Variants in MXI1 observed in about 807,000 individuals in gnomAD.
The protein encoded by MXI1 is MAX interactor 1, dimerization protein.
Under a neutral mutation model 36.9 loss-of-function variants are expected in MXI1, and 18 were observed. The ratio of observed to expected loss-of-function variants is 0.49; its 90% confidence interval spans 0.34 to 0.72. The LOEUF (loss-of-function observed/expected upper bound fraction) is 0.72. MXI1 is among the 30% of genes least tolerant of loss of function. The pLI is 0.01. For missense variants in MXI1, 304 were observed against 379.1 expected, an observed-to-expected ratio of 0.80 and a Z score of 1.64; for synonymous variants, 160 against 146.7, an observed-to-expected ratio of 1.09 and a Z score of -0.65.
intron 1 of MXI1, among the ~76,000 whole-genome samples, chr10:110,211,073 CTTTT>C (rs33972208): frequency 3.0e-5 from 4 of 131,312 alleles, no homozygotes; most frequent in Admixed American, 7.6e-5. Flanking sequence ...TTGTGTACGT[CTTTT>C]TTTTTTTTTT....
chr10:110,284,533 A>G (rs1857374878), intron 5 of MXI1, among the ~76,000 whole-genome samples: 2 of 152,248 alleles, frequency 1.3e-5, no homozygotes, highest in Admixed American at 6.5e-5. Flanking sequence ...ACCTTTTAAT[A>G]TTAAGCACTA....
chr10:110,256,232 A>G (rs576408986), intron 3 of MXI1, among the ~76,000 whole-genome samples: 69 of 152,284 alleles, frequency 4.5e-4, no homozygotes, highest in African/African-American at 1.6e-3. Context: ...AATCTTTATG[A>G]TGTTGCATTA....
Position 110,285,997 on chromosome 10 carries a change from C to A in MXI1, c.*1010C>A, listed in dbSNP as rs1857419305. 1 of 152,428 alleles carries A rather than the reference C, an allele frequency of 6.6e-6. No individual in the cohort carries two copies. The allele number at this position is 152,428 out of a possible 1,614,324, so 9.4% of individuals were successfully genotyped here. Reference sequence around the variant, plus strand: ...TGGAAAAACACATGGGGAAAAAAATCATCTATTTTGATGCAGCATTTGATA... The same window carrying A: ...TGGAAAAACACATGGGGAAAAAAATAATCTATTTTGATGCAGCATTTGATA... On this transcript the variant is annotated 3_prime_UTR_variant, in exon 6 of 6. Transcript: ENST00000332674.
At chr10:110,278,459 A>G (rs1290639670) in intron 3 of MXI1, among the ~76,000 whole-genome samples, 1 of 152,170 alleles carries the variant, frequency 6.6e-6, no homozygotes, top group Non-Finnish European at 1.5e-5. Context: ...GCACACTTAG[A>G]TAGGAAGCAG....
At chr10:110,212,023 A>G (rs1270507399) in intron 1 of MXI1, among the ~76,000 whole-genome samples, 3 of 152,258 alleles carry the variant, frequency 2.0e-5, no homozygotes, top group African/African-American at 7.2e-5. Flanking sequence ...GAACAGATCC[A>G]TAAAGGGATG....
intron 3 of MXI1, among the ~76,000 whole-genome samples, chr10:110,265,779 G>A (rs931212528): frequency 1.3e-5 from 2 of 152,144 alleles, no homozygotes; most frequent in Non-Finnish European, 2.9e-5. Flanking sequence ...GTTATCACGG[G>A]CTGAGGCTAA....
chr10:110,267,241 C>T (rs993686042), intron 3 of MXI1, among the ~76,000 whole-genome samples: 1 of 152,100 alleles, frequency 6.6e-6, no homozygotes, highest in South Asian at 2.1e-4. Flanking sequence ...ACTTACTACC[C>T]CAATAAAAAA....
intron 1 of MXI1, chr10:110,208,369 G>T (rs1854415204): frequency 7.7e-6 from 2 of 258,120 alleles, no homozygotes; most frequent in South Asian, 4.9e-5. Flanking sequence ...GAGTGTTGTT[G>T]TTTGCTGACA....
chr10:110,253,734 T>G (rs887580759), intron 3 of MXI1, among the ~76,000 whole-genome samples: 8 of 152,124 alleles, frequency 5.3e-5, no homozygotes, highest in African/African-American at 1.9e-4. Context: ...AGTTTTAGAT[T>G]GGGTCCTGTA....
At chr10:110,224,169 G>A (rs1046414512) in intron 1 of MXI1, among the ~76,000 whole-genome samples, 2 of 152,096 alleles carry the variant, frequency 1.3e-5, no homozygotes, top group Admixed American at 1.3e-4. Flanking sequence ...CACGGGAGGG[G>A]GAAACTCCCC....
chr10:110,257,883 A>G (rs1158300351), intron 3 of MXI1: 1 of 280,642 alleles, frequency 3.6e-6, no homozygotes, highest in East Asian at 9.3e-5. Flanking sequence ...ACAAAAAACA[A>G]AAACCCTCTG....
At chr10:110,216,914 C>T (rs1384646851) in intron 1 of MXI1, among the ~76,000 whole-genome samples, 1 of 151,934 alleles carries the variant, frequency 6.6e-6, no homozygotes, top group Non-Finnish European at 1.5e-5. Flanking sequence ...GCCATCGACC[C>T]ACCTCGGCCT....
At chr10:110,268,953 A>C (rs182956859) in intron 3 of MXI1, among the ~76,000 whole-genome samples, 37 of 152,354 alleles carry the variant, frequency 2.4e-4, no homozygotes, top group African/African-American at 7.9e-4. Flanking sequence ...AACAACAACA[A>C]CACATACACA....
intron 3 of MXI1, among the ~76,000 whole-genome samples, chr10:110,267,599 GTTCT>G (rs1434265027): frequency 6.6e-6 from 1 of 152,048 alleles, no homozygotes; most frequent in Non-Finnish European, 1.5e-5. Context: ...TCTAAATAAG[GTTCT>G]TTTTTTGATT....
At position 110,207,740 on chromosome 10, in the gene MXI1, G is replaced by C. The variant is rs1854398280; in HGVS notation, c.-69G>C. 9.5e-7 allele frequency: 1 copy of C among 1,055,410 alleles called. No homozygotes were observed. Among genetic ancestry groups the C allele is most frequent in the East Asian group, 5.9e-5 (1 of 16,906 alleles). The allele number at this position is 1,055,410 out of a possible 1,614,324, so 65.4% of individuals were successfully genotyped here. On this transcript the variant is annotated 5_prime_UTR_variant, in exon 1 of 6. Transcript: ENST00000332674. ...CTGCTCCAGCCGGCCGGGTCTCCCT[G>C]GGGGCCCGGAGCTCGGCCGGGCCGC... is the stretch of plus-strand genomic sequence containing the variant.
intron 2 of MXI1, 79 bp from the exon 3 acceptor site, chr10:110,244,749 C>G (rs562603945): frequency 8.4e-7 from 1 of 1,184,876 alleles, no homozygotes; most frequent in East Asian, 2.5e-5. Flanking sequence ...CTAGGTGTAG[C>G]ATAGCAGTAA....
In MXI1 at chr10:110,228,196, A is replaced by G. The variant is rs375464782; in HGVS notation, c.282A>G (p.Glu94=). 1.2e-6 allele frequency: 2 copies of G among 1,613,890 alleles called. No homozygotes were observed. Among genetic ancestry groups the G allele is most frequent in the Non-Finnish European group, 1.7e-6 (2 of 1,180,000 alleles). The change falls in exon 2 of 6, where the codon GAA becomes GAG. Residue 94 remains glutamate, a synonymous_variant. Coordinates refer to ENST00000332674, the MANE Select transcript of MXI1 (RefSeq NM_130439.3). ...EQIEKENKKC[E]HGYASSFPSM... is the part of the protein sequence containing the mutation. ...TTTTCTTGCTTTCTTCAGAGTGTGA[A>G]CATGGCTACGCCTCTTCATTCCCGT... is the stretch of plus-strand genomic sequence containing the variant.
At chr10:110,270,244 T>A (rs998405656) in intron 3 of MXI1, among the ~76,000 whole-genome samples, 1 of 152,220 alleles carries the variant, frequency 6.6e-6, no homozygotes, top group Non-Finnish European at 1.5e-5. Flanking sequence ...AAAGAAGAAA[T>A]ATGGTGAATG....
intron 1 of MXI1, among the ~76,000 whole-genome samples, chr10:110,210,750 C>G (rs1050041497): frequency 1.3e-5 from 2 of 152,234 alleles, no homozygotes; most frequent in African/African-American, 4.8e-5. Flanking sequence ...CGGCGCTCGT[C>G]GTTGTTTTCT....
Sources: allele counts gnomAD v4.1 joint callset (sites outside exome capture counted in the v4.1 genomes callset), GRCh38; gene constraint gnomAD v4.1.1; transcripts MANE v1.5; gene names NCBI Gene and HGNC (gene_info 2026-07-23, HGNC 2026-07-21).